The following ADGRD1 variants were observed in gnomAD, a reference collection of about 807,000 sequenced individuals.
ADGRD1 encodes the protein adhesion G protein-coupled receptor D1.
Under a neutral mutation model 113.4 loss-of-function variants are expected in ADGRD1, and 77 were observed. That is an observed-to-expected ratio of 0.68 (90% CI 0.57 to 0.82). The LOEUF (loss-of-function observed/expected upper bound fraction) is 0.82. Among genes scored for constraint, ADGRD1 ranks in the 40% least tolerant of loss-of-function variants. The pLI is 0.00. For synonymous variants in ADGRD1, 474 were observed against 475.0 expected (o/e 1.00, Z 0.03); for missense variants, 1,036 against 1,139.1 (o/e 0.91, Z 1.30).
intron 15 of ADGRD1, among the ~76,000 whole-genome samples, chr12:131,092,820 A>G (rs1177688884): frequency 6.6e-6 from 1 of 152,068 alleles, no homozygotes; most frequent in South Asian, 2.1e-4. Flanking sequence ...AGAGGCTTAA[A>G]TTTTTAAAAA....
chr12:131,084,398 C>G lies in ADGRD1; in HGVS notation c.1548-142C>G. ...CTCCTCCCAACCCCCACACCACGGT[C>G]TGGGTGTGCATTCCTGGCGTGGCAG... On this transcript the variant is annotated intron_variant, in intron 14 of 24. Coordinates refer to ENST00000261654, the MANE Select transcript of ADGRD1 (RefSeq NM_198827.5). The surrounding 1 kb of genome is among the most constrained non-coding windows in gnomAD (Gnocchi z 4.5). The G allele has an allele frequency of 1.2e-6, 1 of 810,068 alleles. No individual in the cohort carries two copies. The highest frequency in any genetic ancestry group is 2.0e-6 in the Non-Finnish European group (1 of 492,056). 50.2% of individuals were successfully genotyped at this position (810,068 alleles called of 1,614,324 possible). A position where few individuals can be genotyped will look rare whatever the true frequency, so the allele number is the denominator to read the frequency against.
intron 15 of ADGRD1, among the ~76,000 whole-genome samples, chr12:131,104,108 A>G (rs910064439): frequency 6.6e-6 from 1 of 152,142 alleles, no homozygotes; most frequent in Non-Finnish European, 1.5e-5. Context: ...CATTCCCACA[A>G]GGTGTTGGGA....
chr12:131,050,240 A>T lies in ADGRD1; in HGVS notation c.1474-26561A>T, dbSNP rs1376811889. ...ATCGTCATCATCATCATCATCATCA[A>T]TGAGATTCTCAGTCAGGACATCCGG... On this transcript the variant is annotated intron_variant, in intron 13 of 24. Transcript: ENST00000261654. This position sits in a 1 kb window ranked among gnomAD's most constrained non-coding sequence, Gnocchi z 4.8. Among the ~76,000 whole-genome samples, 1 of 133,030 alleles carries T rather than the reference A, an allele frequency of 7.5e-6. No homozygotes were observed. Among genetic ancestry groups the T allele is most frequent in the East Asian group, 2.6e-4 (1 of 3,818 alleles). 87.3% of individuals were successfully genotyped at this position (133,030 alleles called of 152,430 possible). A position where few individuals can be genotyped will look rare whatever the true frequency, so the allele number is the denominator to read the frequency against.
intron 5 of ADGRD1, among the ~76,000 whole-genome samples, chr12:130,986,402 T>G (rs111431453): frequency 2.6e-5 from 4 of 152,184 alleles, no homozygotes; most frequent in Non-Finnish European, 5.9e-5. Context: ...TTTTCCTTTT[T>G]TGGCACCAAT....
At chr12:130,995,678 C>T (rs182373333) in intron 8 of ADGRD1, among the ~76,000 whole-genome samples, 208 of 152,208 alleles carry the variant, frequency 1.4e-3, no homozygotes, top group African/African-American at 4.9e-3. Context: ...AACCCCAGAC[C>T]TGGATTTTTA....
intron 13 of ADGRD1, among the ~76,000 whole-genome samples, chr12:131,032,581 G>T (rs1238021470): frequency 1.3e-5 from 2 of 152,186 alleles, no homozygotes; most frequent in African/African-American, 2.4e-5. Context: ...GCTCCACGTG[G>T]TTGCTCACTG....
chr12:131,038,417 G>GCCGGCCA (rs1881768231), intron 13 of ADGRD1, among the ~76,000 whole-genome samples: 2 of 152,228 alleles, frequency 1.3e-5, no homozygotes, highest in Non-Finnish European at 2.9e-5. Flanking sequence ...ACTCTGGTTT[G>GCCGGCCA]GTATCGCAGA....
Position 130,954,606 on chromosome 12 carries a change from G to A in ADGRD1, c.67-18G>A. The stretch of plus-strand genomic sequence containing the variant: ...GCTTTCCCTGAGTGTGTCTCACACT[G>A]TGGTCTTTTGTGCGCAGGTGCGTGG... On this transcript the variant is annotated intron_variant, in intron 1 of 24. Transcript: ENST00000261654. The surrounding 1 kb of genome is among the most constrained non-coding windows in gnomAD (Gnocchi z 4.7). 3 of 1,613,910 alleles carry A rather than the reference G, an allele frequency of 1.9e-6. No homozygotes were observed. The highest frequency in any genetic ancestry group is 2.5e-6 in the Non-Finnish European group (3 of 1,179,818).
intron 15 of ADGRD1, among the ~76,000 whole-genome samples, chr12:131,101,980 T>G (rs1416710029): frequency 6.6e-6 from 1 of 152,210 alleles, no homozygotes; most frequent in East Asian, 1.9e-4. Flanking sequence ...TCTCTTCCCT[T>G]CCTCCTCCAA....
intron 13 of ADGRD1, among the ~76,000 whole-genome samples, chr12:131,031,952 C>G (rs189534901): frequency 6.6e-6 from 1 of 152,198 alleles, no homozygotes; most frequent in Non-Finnish European, 1.5e-5. Flanking sequence ...ACTGCTGCCC[C>G]GGAAGGGAGG....
chr12:131,125,634 A>G (rs1236540256), intron 20 of ADGRD1, among the ~76,000 whole-genome samples: 1 of 152,254 alleles, frequency 6.6e-6, no homozygotes, highest in African/African-American at 2.4e-5. Flanking sequence ...GCATTGCTAT[A>G]GATGCATAGG....
chr12:131,120,153 G>A (rs917283113), intron 19 of ADGRD1, among the ~76,000 whole-genome samples: 2 of 152,202 alleles, frequency 1.3e-5, no homozygotes, highest in East Asian at 1.9e-4. Flanking sequence ...AGTGAGGACT[G>A]CGCCACGCAC....
At chr12:130,958,579 GCTGT>G (rs1031762797) in intron 2 of ADGRD1, among the ~76,000 whole-genome samples, 2 of 152,074 alleles carry the variant, frequency 1.3e-5, no homozygotes, top group African/African-American at 4.8e-5. Context: ...CGCATCCCTG[GCTGT>G]CTGTGTGAAG....
intron 19 of ADGRD1, among the ~76,000 whole-genome samples, chr12:131,118,681 C>T (rs534120234): frequency 4.0e-4 from 61 of 152,338 alleles, no homozygotes; most frequent in African/African-American, 1.3e-3. Flanking sequence ...GACCACAGAG[C>T]GCCTCCAGGA....
At chr12:131,101,373 C>CTTTTTTTTTTTT (rs796951608) in intron 15 of ADGRD1, among the ~76,000 whole-genome samples, 2 of 79,350 alleles carry the variant, frequency 2.5e-5, no homozygotes, top group African/African-American at 5.4e-5. Flanking sequence ...CTTTTTCTTT[C>CTTTTTTTTTTTT]TTTCTTTTTT....
At chr12:130,987,657 T>C in intron 6 of ADGRD1, 1 of 403,722 alleles carries the variant, frequency 2.5e-6, no homozygotes, top group South Asian at 2.7e-5. Flanking sequence ...ATTAGTGTTT[T>C]TGATCAACAA....
At chr12:131,017,643 G>A (rs1484440855) in intron 13 of ADGRD1, among the ~76,000 whole-genome samples, 4 of 144,398 alleles carry the variant, frequency 2.8e-5, no homozygotes, top group Non-Finnish European at 1.5e-5. Context: ...CACACACCCA[G>A]CACAGACACA....
At chr12:131,015,605 G>T (rs1039655296) in intron 13 of ADGRD1, among the ~76,000 whole-genome samples, 1 of 143,602 alleles carries the variant, frequency 7.0e-6, no homozygotes, top group African/African-American at 2.9e-5. Context: ...GGGGACTGGA[G>T]TTGGAGATGG....
chr12:131,098,839 G>A (rs766619130), intron 15 of ADGRD1, among the ~76,000 whole-genome samples: 2 of 152,246 alleles, frequency 1.3e-5, no homozygotes, highest in Admixed American at 6.5e-5. Context: ...CGTGCATGGT[G>A]CACAGTAGGT....
Sources: allele counts gnomAD v4.1 joint callset (sites outside exome capture counted in the v4.1 genomes callset), GRCh38; gene constraint gnomAD v4.1.1; non-coding constraint Gnocchi (gnomAD v3.1); transcripts MANE v1.5; gene names NCBI Gene and HGNC (gene_info 2026-07-23, HGNC 2026-07-21).